The following DPP10 variants were observed in gnomAD, a reference collection of about 807,000 sequenced individuals.
DPP10 encodes inactive dipeptidyl peptidase 10.
DPP10 carries 33 observed loss-of-function variants against 120.9 expected under a neutral mutation model. The ratio of observed to expected loss-of-function variants is 0.27; its 90% CI spans 0.21 to 0.37. DPP10 has a LOEUF of 0.37. Ranked by LOEUF, DPP10 falls within the 10% of genes least tolerant of loss-of-function variation. The pLI, the probability that DPP10 is intolerant of heterozygous loss-of-function variation, is 1.00. For synonymous variants in DPP10, 337 were observed against 326.1 expected (o/e 1.03, Z -0.36); for missense variants, 816 against 942.8 (o/e 0.87, Z 1.76).
At chr2:115,626,607 A>G (rs1360638371) in intron 5 of DPP10, among the ~76,000 whole-genome samples, 1 of 152,140 alleles carries the variant, frequency 6.6e-6, no homozygotes, top group Non-Finnish European at 1.5e-5. Context: ...TATATATTGT[A>G]TGAAAGAATT....
intron 2 of DPP10, among the ~76,000 whole-genome samples, chr2:115,328,305 T>A (rs2062485911): frequency 6.6e-6 from 1 of 152,128 alleles, no homozygotes; most frequent in South Asian, 2.1e-4. Context: ...TCTTTACTCA[T>A]ATTCAGGAGA....
chr2:115,348,633 C>T (rs2063831635), intron 3 of DPP10, among the ~76,000 whole-genome samples: 1 of 152,038 alleles, frequency 6.6e-6, no homozygotes, highest in African/African-American at 2.4e-5. Flanking sequence ...TATTTTTAAA[C>T]TTTGTTTTCC....
At chr2:114,810,087 A>C (rs2106318574) in intron 1 of DPP10, among the ~76,000 whole-genome samples, 1 of 152,240 alleles carries the variant, frequency 6.6e-6, no homozygotes, top group East Asian at 1.9e-4. Flanking sequence ...GTGCCCTAAA[A>C]TCCAGCACCA....
At position 115,193,637 on chromosome 2, in the gene DPP10, G is replaced by A. The variant is rs112968881; in HGVS notation, c.61-115602G>A. Reference sequence around the variant, plus strand: ...CAGTCCAAATTTTTCCAAATGTATGGACCACTCAAAAGGCGTACTTAGAAT... The same window carrying A: ...CAGTCCAAATTTTTCCAAATGTATGAACCACTCAAAAGGCGTACTTAGAAT... On this transcript the variant is annotated intron_variant, in intron 1 of 25. Coordinates refer to ENST00000410059, the MANE Select transcript of DPP10 (RefSeq NM_020868.6). Among the ~76,000 whole-genome samples, 907 of 152,188 alleles carry A rather than the reference G, an allele frequency of 6.0e-3. 9 individuals carry two copies. The highest frequency in any genetic ancestry group is 0.02 in the African/African-American group (833 of 41,504).
chr2:115,485,104 A>G (rs1380582104), intron 3 of DPP10, among the ~76,000 whole-genome samples: 9 of 152,080 alleles, frequency 5.9e-5, no homozygotes, highest in Non-Finnish European at 1.2e-4. Context: ...TAACTTGTAT[A>G]ATAGCTGTTT....
chr2:115,262,059 A>G (rs1320205141), intron 1 of DPP10, among the ~76,000 whole-genome samples: 1 of 152,020 alleles, frequency 6.6e-6, no homozygotes, highest in Non-Finnish European at 1.5e-5. Context: ...TTCCATTTTC[A>G]CTTCTACCAC....
chr2:115,160,436 CAA>C (rs1367591275), intron 1 of DPP10, among the ~76,000 whole-genome samples: 1 of 152,170 alleles, frequency 6.6e-6, no homozygotes, highest in East Asian at 1.9e-4. Context: ...TACCATTCTA[CAA>C]AAGTCTTTCA....
intron 7 of DPP10, among the ~76,000 whole-genome samples, chr2:115,711,486 G>A (rs2092314496): frequency 6.6e-6 from 1 of 152,102 alleles, no homozygotes; most frequent in Admixed American, 6.6e-5. Context: ...TAGCTGTTGT[G>A]TTCAGGATGG....
At chr2:115,776,666 G>GT (rs956644275) in intron 13 of DPP10, among the ~76,000 whole-genome samples, 1 of 151,922 alleles carries the variant, frequency 6.6e-6, no homozygotes, top group African/African-American at 2.4e-5. Context: ...ACTACTACCT[G>GT]TTTTTTACAT....
intron 1 of DPP10, chr2:115,161,827 C>CA: frequency 1.1e-6 from 1 of 891,112 alleles, no homozygotes; most frequent in Non-Finnish European, 1.5e-6. Flanking sequence ...CGCCCCTCCG[C>CA]TCCCCCCACC....
chr2:115,784,544 T>G (rs1683121679), intron 17 of DPP10, among the ~76,000 whole-genome samples: 1 of 152,134 alleles, frequency 6.6e-6, no homozygotes, highest in Admixed American at 6.6e-5. Flanking sequence ...ATTTCTTTTG[T>G]TTTTTTGAGA....
At chr2:114,928,825 G>A (rs770655750) in intron 1 of DPP10, among the ~76,000 whole-genome samples, 3 of 152,130 alleles carry the variant, frequency 2.0e-5, no homozygotes, top group Admixed American at 6.6e-5. Context: ...GACATAGCAC[G>A]AGGTGTATGC....
chr2:115,016,155 T>C (rs1042761960), intron 1 of DPP10, among the ~76,000 whole-genome samples: 4 of 152,094 alleles, frequency 2.6e-5, no homozygotes, highest in African/African-American at 9.7e-5. Context: ...AACAGATATA[T>C]AGACCAATGG....
intron 1 of DPP10, among the ~76,000 whole-genome samples, chr2:115,069,370 T>C (rs1197252177): frequency 6.6e-6 from 1 of 152,114 alleles, no homozygotes; most frequent in Non-Finnish European, 1.5e-5. Context: ...CCACAGATTT[T>C]TATATGTTTG....
intron 1 of DPP10, among the ~76,000 whole-genome samples, chr2:115,053,765 A>G (rs538896369): frequency 7.2e-5 from 11 of 152,278 alleles, no homozygotes; most frequent in African/African-American, 2.6e-4. Flanking sequence ...CTTTTCAACT[A>G]TTGGTCTGAA....
intron 1 of DPP10, among the ~76,000 whole-genome samples, chr2:114,889,721 GA>G (rs1692385832): frequency 6.6e-6 from 1 of 152,046 alleles, no homozygotes; most frequent in Admixed American, 6.6e-5. Context: ...CTCTAAAATG[GA>G]ATATTAAAAA....
intron 3 of DPP10, among the ~76,000 whole-genome samples, chr2:115,389,605 C>G (rs1186254615): frequency 6.6e-6 from 1 of 151,908 alleles, no homozygotes; most frequent in African/African-American, 2.4e-5. Context: ...TGTTTGTCAC[C>G]CAAAGAATTT....
intron 1 of DPP10, among the ~76,000 whole-genome samples, chr2:115,225,184 A>T (rs1213406562): frequency 6.6e-6 from 1 of 152,134 alleles, no homozygotes; most frequent in Non-Finnish European, 1.5e-5. Flanking sequence ...AGAGAAAGTA[A>T]AGGAGGCCAG....
chr2:115,414,806 T>C (rs1024628757), intron 3 of DPP10, among the ~76,000 whole-genome samples: 1 of 152,188 alleles, frequency 6.6e-6, no homozygotes, highest in Non-Finnish European at 1.5e-5. Context: ...CTTTGGACAA[T>C]TCATGCATCA....
Sources: allele counts gnomAD v4.1 joint callset (sites outside exome capture counted in the v4.1 genomes callset), GRCh38; gene constraint gnomAD v4.1.1; transcripts MANE v1.5; gene names NCBI Gene and HGNC (gene_info 2026-07-23, HGNC 2026-07-21).